Variants in LINGO2 observed in about 807,000 individuals in gnomAD.
LINGO2 encodes leucine-rich repeat and immunoglobulin-like domain-containing nogo receptor-interacting protein 2.
Under a neutral mutation model 30.6 loss-of-function variants are expected in LINGO2, and 14 were observed. The observed-to-expected ratio is 0.46, with a 90% confidence interval of 0.30 to 0.72. LINGO2 has a LOEUF of 0.72. Ranked by LOEUF, LINGO2 falls within the 30% of genes least tolerant of loss-of-function variation. The pLI, the probability that LINGO2 is intolerant of heterozygous loss-of-function variation, is 0.07. For missense variants in LINGO2, 729 were observed against 751.7 expected (o/e 0.97, Z 0.35); for synonymous variants, 317 against 288.5 (o/e 1.10, Z -1.00).
intron 1 of LINGO2, among the ~76,000 whole-genome samples, chr9:28,488,195 T>C (rs574380291): frequency 1.2e-4 from 19 of 152,296 alleles, no homozygotes; most frequent in Admixed American, 1.2e-3. Context: ...TAAAAATTAA[T>C]GTGGATTCTT....
At chr9:28,752,828 T>G in the LINGO2 span, among the ~76,000 whole-genome samples, 5 of 152,004 alleles carry the variant, frequency 3.3e-5, no homozygotes, top group African/African-American at 7.3e-5. Flanking sequence ...CCTAATTAAT[T>G]TTGCCTCCTG....
intron 1 of LINGO2, among the ~76,000 whole-genome samples, chr9:28,516,704 T>C (rs188379376): frequency 1.5e-3 from 236 of 152,336 alleles, no homozygotes; most frequent in Non-Finnish European, 2.4e-3. Context: ...GTTGTTGCAG[T>C]GTTACTGACA....
the LINGO2 span, among the ~76,000 whole-genome samples, chr9:29,060,352 G>A: frequency 6.6e-6 from 1 of 152,044 alleles, no homozygotes; most frequent in Non-Finnish European, 1.5e-5. Flanking sequence ...CTGCTGAGCT[G>A]CATTTGTATT....
At chr9:28,950,824 C>A in the LINGO2 span, among the ~76,000 whole-genome samples, 41 of 152,146 alleles carry the variant, frequency 2.7e-4, no homozygotes, top group African/African-American at 9.9e-4. Flanking sequence ...CCATACTGCC[C>A]GAAGTAATTT....
At chr9:28,120,303 G>C (rs1025652161) in intron 4 of LINGO2, among the ~76,000 whole-genome samples, 2 of 152,150 alleles carry the variant, frequency 1.3e-5, no homozygotes, top group Non-Finnish European at 2.9e-5. Context: ...ACAATAGATG[G>C]GGACGGTCTT....
At chr9:28,400,821 A>C (rs928448899) in intron 2 of LINGO2, among the ~76,000 whole-genome samples, 1 of 152,240 alleles carries the variant, frequency 6.6e-6, no homozygotes, top group Non-Finnish European at 1.5e-5. Context: ...GGAGCATGTA[A>C]GAAGTTCTGA....
At chr9:29,141,662 T>C in the LINGO2 span, among the ~76,000 whole-genome samples, 1 of 151,868 alleles carries the variant, frequency 6.6e-6, no homozygotes, top group Non-Finnish European at 1.5e-5. Context: ...AGATAATCTC[T>C]TTAGATTTAA....
chr9:28,109,783 G>C (rs1418138926), intron 4 of LINGO2, among the ~76,000 whole-genome samples: 2 of 152,144 alleles, frequency 1.3e-5, no homozygotes, highest in Admixed American at 1.3e-4. Context: ...CTCATGGATA[G>C]GAAGAATCAA....
chr9:28,392,293 A>T (rs980519308), intron 2 of LINGO2, among the ~76,000 whole-genome samples: 1 of 152,176 alleles, frequency 6.6e-6, no homozygotes, highest in African/African-American at 2.4e-5. Context: ...AATTGACAAT[A>T]TGCATGAGGG....
the LINGO2 span, among the ~76,000 whole-genome samples, chr9:29,115,720 T>C: frequency 8.0e-4 from 121 of 152,160 alleles, no homozygotes; most frequent in Admixed American, 2.9e-3. Context: ...TATCATGATA[T>C]GCAATTAAAG....
chr9:28,391,567 CCT>C (rs1821830829), intron 2 of LINGO2, among the ~76,000 whole-genome samples: 1 of 151,164 alleles, frequency 6.6e-6, no homozygotes, highest in Non-Finnish European at 1.5e-5. Context: ...TTGATTTTCC[CCT>C]TTTTCCTTCT....
chr9:28,465,517 G>A (rs1319153922), intron 2 of LINGO2, among the ~76,000 whole-genome samples: 4 of 152,150 alleles, frequency 2.6e-5, no homozygotes, highest in Non-Finnish European at 5.9e-5. Context: ...GGGAAGTGAA[G>A]TTCTCACTTA....
intron 4 of LINGO2, among the ~76,000 whole-genome samples, chr9:28,083,375 C>A (rs538728003): frequency 3.3e-4 from 50 of 152,136 alleles, no homozygotes; most frequent in Non-Finnish European, 5.4e-4. Flanking sequence ...GAACCTTCTT[C>A]AATAAGCTGC....
chr9:28,070,953 G>A (rs1417134264), intron 4 of LINGO2, among the ~76,000 whole-genome samples: 1 of 152,132 alleles, frequency 6.6e-6, no homozygotes, highest in African/African-American at 2.4e-5. Flanking sequence ...GGTCTCAAGT[G>A]ATTCTCATGC....
the LINGO2 span, among the ~76,000 whole-genome samples, chr9:28,697,865 T>C: frequency 6.6e-6 from 1 of 152,112 alleles, no homozygotes; most frequent in African/African-American, 2.4e-5. Context: ...ATATTTGGTG[T>C]TGCAAAGAAG....
chr9:28,193,309 A>C (rs990168824), intron 4 of LINGO2, among the ~76,000 whole-genome samples: 20 of 152,200 alleles, frequency 1.3e-4, no homozygotes, highest in African/African-American at 4.1e-4. Context: ...AAGATTCATT[A>C]GAAATTTTTG....
intron 4 of LINGO2, among the ~76,000 whole-genome samples, chr9:28,048,854 A>AT (rs1432839406): frequency 6.6e-6 from 1 of 150,844 alleles, no homozygotes; most frequent in African/African-American, 2.5e-5. Context: ...CTATATATAT[A>AT]TGTAGTTTGT....
intron 4 of LINGO2, among the ~76,000 whole-genome samples, chr9:28,079,358 T>C (rs1297137961): frequency 2.0e-5 from 3 of 152,158 alleles, no homozygotes; most frequent in African/African-American, 7.2e-5. Context: ...ACTCCAAGAA[T>C]GTCTTGGTGA....
At chr9:29,054,895 C>A in the LINGO2 span, among the ~76,000 whole-genome samples, 2 of 151,824 alleles carry the variant, frequency 1.3e-5, no homozygotes, top group African/African-American at 4.8e-5. Context: ...AGTATTAAAC[C>A]ATGATTTGAA....
Sources: gnomAD v4.1 joint callset for allele counts (sites outside exome capture counted in the v4.1 genomes callset) on GRCh38, gnomAD v4.1.1 for gene constraint, MANE v1.5 for transcripts, NCBI Gene and HGNC (gene_info 2026-07-23, HGNC 2026-07-21) for gene names.